ELOVL6: variants seen among roughly 807,000 people sequenced by gnomAD.
ELOVL6 encodes ELOVL fatty acid elongase 6, also known as very long chain fatty acid elongase 6.
ELOVL6 carries 8 observed loss-of-function variants against 31.7 expected under a neutral mutation model. That is an observed-to-expected ratio of 0.25 (90% CI 0.15 to 0.45). ELOVL6 has a LOEUF of 0.45. Among genes scored for constraint, ELOVL6 ranks in the 20% least tolerant of loss-of-function variants. ELOVL6 has a pLI of 1.00. For missense variants in ELOVL6, 126 were observed against 326.4 expected (o/e 0.39, Z 4.73); for synonymous variants, 101 against 117.7 (o/e 0.86, Z 0.92).
chr4:110,062,434 T>C (rs919471325), intron 2 of ELOVL6, among the ~76,000 whole-genome samples: 11 of 152,200 alleles, frequency 7.2e-5, no homozygotes, highest in African/African-American at 2.7e-4. Flanking sequence ...TGGGGAGCAC[T>C]GTGGGGGCCA....
At chr4:110,064,496 T>C (rs1578448014) in intron 2 of ELOVL6, among the ~76,000 whole-genome samples, 2 of 152,256 alleles carry the variant, frequency 1.3e-5, no homozygotes, top group African/African-American at 4.8e-5. Context: ...TAAGATCTTG[T>C]TCTGTTGCAC....
intron 2 of ELOVL6, among the ~76,000 whole-genome samples, chr4:110,082,995 A>G (rs899199900): frequency 6.6e-6 from 1 of 151,584 alleles, no homozygotes; most frequent in African/African-American, 2.4e-5. Flanking sequence ...AGTGCCCAAC[A>G]TGAGCAAAAC....
intron 1 of ELOVL6, among the ~76,000 whole-genome samples, chr4:110,143,964 G>A (rs1034458871): frequency 1.4e-5 from 2 of 145,904 alleles, no homozygotes; most frequent in African/African-American, 5.1e-5. Flanking sequence ...TGAGGCAGGA[G>A]AAACACTTGA....
At chr4:110,172,144 G>A (rs994376062) in intron 1 of ELOVL6, among the ~76,000 whole-genome samples, 2 of 152,078 alleles carry the variant, frequency 1.3e-5, no homozygotes, top group Admixed American at 1.3e-4. Flanking sequence ...TCTTGGCTGG[G>A]GAGAGCAGGT....
chr4:110,154,942 C>T (rs1289632358), intron 1 of ELOVL6, among the ~76,000 whole-genome samples: 1 of 152,134 alleles, frequency 6.6e-6, no homozygotes, highest in Non-Finnish European at 1.5e-5. Flanking sequence ...ACTTTTTTGA[C>T]AGTTATCAAT....
At chr4:110,095,083 C>A (rs1756540409) in intron 2 of ELOVL6, among the ~76,000 whole-genome samples, 1 of 152,030 alleles carries the variant, frequency 6.6e-6, no homozygotes, top group Non-Finnish European at 1.5e-5. Context: ...ATCAGATAAG[C>A]CATTATAGAG....
chr4:110,138,583 A>C (rs940334183), intron 1 of ELOVL6, among the ~76,000 whole-genome samples: 1 of 152,194 alleles, frequency 6.6e-6, no homozygotes, highest in African/African-American at 2.4e-5. Context: ...ATAAATTGAG[A>C]TCACAAAAAA....
At chr4:110,171,268 G>T (rs112852125) in intron 1 of ELOVL6, among the ~76,000 whole-genome samples, 11 of 152,182 alleles carry the variant, frequency 7.2e-5, no homozygotes, top group Non-Finnish European at 1.2e-4. Flanking sequence ...AATTAGCTGG[G>T]TGTGGTGGTT....
chr4:110,186,661 G>A (rs1474412728), intron 1 of ELOVL6, among the ~76,000 whole-genome samples: 4 of 150,344 alleles, frequency 2.7e-5, no homozygotes, highest in Non-Finnish European at 4.4e-5. Flanking sequence ...AAAATGAGTC[G>A]GGCATGGTGG....
At chr4:110,084,208 T>TAACATATAACTTATATGATATATAC (rs1560814539) in intron 2 of ELOVL6, among the ~76,000 whole-genome samples, 2 of 71,292 alleles carry the variant, frequency 2.8e-5, no homozygotes, top group African/African-American at 1.6e-4. Flanking sequence ...ATGATATATA[T>TAACATATAACTTATATGATATATAC]AACATATAAC....
intron 2 of ELOVL6, among the ~76,000 whole-genome samples, chr4:110,061,026 G>A (rs1379113747): frequency 2.0e-5 from 3 of 152,080 alleles, no homozygotes; most frequent in East Asian, 1.9e-4. Flanking sequence ...TATTAAGTTG[G>A]GTCTTTGTAA....
Position 110,083,101 on chromosome 4 carries a change from C to T in ELOVL6, c.221+22396G>A, listed in dbSNP as rs563291702. 4.6e-5 allele frequency among the ~76,000 whole-genome samples: 7 copies of T among 151,682 alleles called. No homozygotes were observed. The South Asian group carries it at 1.5e-3, about 31-fold the overall frequency. On this transcript the variant is annotated intron_variant, in intron 2 of 3. Transcript: ENST00000302274. Reference sequence around the variant, plus strand: ...AAAAAAAAAGCAAACTTTTTCTATGCCGACTACATACTAGGTTCTTCATAT... The same window carrying T: ...AAAAAAAAAGCAAACTTTTTCTATGTCGACTACATACTAGGTTCTTCATAT...
Position 110,094,437 on chromosome 4 carries a change from ATATAT to A in ELOVL6, c.221+11055_221+11059del, listed in dbSNP as rs1560820678. 6.2e-3 allele frequency among the ~76,000 whole-genome samples: 405 copies of A among 65,262 alleles called. 10 individuals carry two copies. The highest frequency in any genetic ancestry group is 0.022 in the African/African-American group (285 of 12,912). The allele number at this position is 65,262 out of a possible 152,430, so 42.8% of individuals were successfully genotyped here. A position where few individuals can be genotyped will look rare whatever the true frequency, so the allele number is the denominator to read the frequency against. ...TATATATATATATATATATATATAT[ATATAT>A]AATATATATAACATAATATATATTA... On this transcript the variant is annotated intron_variant, in intron 2 of 3. Transcript: ENST00000302274.
In ELOVL6 at chr4:110,139,787, T is replaced by A. The variant is rs115548714; in HGVS notation, c.90-34159A>T. Among the ~76,000 whole-genome samples the A allele has an allele frequency of 7.5e-3, 1,150 of 152,338 alleles. 20 individuals are homozygous for A. Among genetic ancestry groups the A allele is most frequent in the African/African-American group, 0.026 (1,073 of 41,572 alleles). ...CCACCCTCTAACATAACTGAAATAA[T>A]GTCTACCATTACTGGATCTTGCTAG... On this transcript the variant is annotated intron_variant, in intron 1 of 3. Transcript: ENST00000302274.
intron 2 of ELOVL6, among the ~76,000 whole-genome samples, chr4:110,084,549 C>CAGATATATATTTATATATATAT (rs1560815682): frequency 1.4e-5 from 1 of 72,740 alleles, no homozygotes; most frequent in Non-Finnish European, 2.4e-5. Context: ...CACACACACA[C>CAGATATATATTTATATATATAT]ACACACACAC....
At chr4:110,084,033 TG>T (rs1756012745) in intron 2 of ELOVL6, among the ~76,000 whole-genome samples, 1 of 60,460 alleles carries the variant, frequency 1.7e-5, no homozygotes, top group East Asian at 5.0e-4. Flanking sequence ...ATGCCATATA[TG>T]GTATATAACA....
chr4:110,135,738 C>T (rs758136858), intron 1 of ELOVL6, among the ~76,000 whole-genome samples: 6 of 152,178 alleles, frequency 3.9e-5, no homozygotes, highest in Admixed American at 6.6e-5. Context: ...AAGTAATCCT[C>T]CTATTATCAG....
rs1754783824 is a variant in ELOVL6, at chr4:110,049,559, T to C, written c.*1779A>G. 1 of 152,410 alleles carries C rather than the reference T, an allele frequency of 6.6e-6. No homozygotes were observed. The highest frequency in any genetic ancestry group is 2.4e-5 in the African/African-American group (1 of 41,362). 9.4% of individuals were successfully genotyped at this position (152,410 alleles called of 1,614,324 possible). ...AAAAAATCCCTTTTACTGTACACTC[T>C]CAAAGCAAGAAAGAGAAACAACAGT... On this transcript the variant is annotated 3_prime_UTR_variant, in exon 4 of 4. Coordinates refer to ENST00000302274, the MANE Select transcript of ELOVL6 (RefSeq NM_024090.3).
At chr4:110,131,592 G>A (rs1281055803) in intron 1 of ELOVL6, among the ~76,000 whole-genome samples, 1 of 151,910 alleles carries the variant, frequency 6.6e-6, no homozygotes, top group African/African-American at 2.4e-5. Flanking sequence ...AATTTCTCTT[G>A]CAAAGTGGAG....
Sources: allele counts gnomAD v4.1 joint callset (sites outside exome capture counted in the v4.1 genomes callset), GRCh38; gene constraint gnomAD v4.1.1; transcripts MANE v1.5; gene names NCBI Gene and HGNC (gene_info 2026-07-23, HGNC 2026-07-21).